TAF4B: variants seen among roughly 807,000 people sequenced by gnomAD.
TAF4B encodes the protein transcription initiation factor TFIID subunit 4B.
Under a neutral mutation model 86.4 loss-of-function variants are expected in TAF4B, and 38 were observed. The observed-to-expected ratio is 0.44, with a 90% CI of 0.34 to 0.58. The LOEUF is 0.58. Among genes scored for constraint, TAF4B ranks in the 20% least tolerant of loss-of-function variants. The pLI, the probability that TAF4B is intolerant of heterozygous loss-of-function variation, is 0.02. For synonymous variants in TAF4B, 388 were observed against 391.2 expected (o/e 0.99, Z 0.10); for missense variants, 988 against 1,027.6 (o/e 0.96, Z 0.53).
intron 14 of TAF4B, among the ~76,000 whole-genome samples, chr18:26,386,390 C>T (rs1978368146): frequency 6.6e-6 from 1 of 151,818 alleles, no homozygotes; most frequent in African/African-American, 2.4e-5. Context: ...TAATTTCCTC[C>T]TGAGGCAAGG....
In TAF4B at chr18:26,376,934, A is replaced by G. The variant is rs73395971; in HGVS notation, c.2422-12911A>G. Among the ~76,000 whole-genome samples the G allele has an allele frequency of 6.1e-3, 927 of 152,104 alleles. 8 individuals carry two copies. Among genetic ancestry groups the G allele is most frequent in the African/African-American group, 0.021 (876 of 41,532 alleles). ...TGCTTTTTCTGCCTCTTTTGAGATGATCGTGCTTTTTTTTCCCCTTTATCT... is the reference window on the plus strand; with the variant it reads ...TGCTTTTTCTGCCTCTTTTGAGATGGTCGTGCTTTTTTTTCCCCTTTATCT... On this transcript the variant is annotated intron_variant, in intron 14 of 14. Transcript: ENST00000269142.
chr18:26,330,172 A>G lies in TAF4B; in HGVS notation c.2259+3032A>G, dbSNP rs553363805. Among the ~76,000 whole-genome samples the G allele has an allele frequency of 5.0e-4, 76 of 152,264 alleles. 1 individual carries two copies. Among genetic ancestry groups the G allele is most frequent in the East Asian group, 2.7e-3 (14 of 5,190 alleles). Reference sequence around the variant, plus strand: ...CCTCTGTCATGGTTGCAAAATGTCAATTTATTCCCATGAACTCTCCTCGTT... The same window carrying G: ...CCTCTGTCATGGTTGCAAAATGTCAGTTTATTCCCATGAACTCTCCTCGTT... On this transcript the variant is annotated intron_variant, in intron 12 of 14. Coordinates refer to ENST00000269142, the MANE Select transcript of TAF4B (RefSeq NM_005640.3).
At chr18:26,261,297 T>C (rs2056163384) in intron 1 of TAF4B, among the ~76,000 whole-genome samples, 1 of 145,440 alleles carries the variant, frequency 6.9e-6, no homozygotes, top group African/African-American at 2.5e-5. Flanking sequence ...GCCTCCCGGG[T>C]TCACGCCATT....
At chr18:26,346,629 T>G (rs2057181409) in intron 13 of TAF4B, among the ~76,000 whole-genome samples, 1 of 149,576 alleles carries the variant, frequency 6.7e-6, no homozygotes, top group South Asian at 2.1e-4. Flanking sequence ...AAAGGTATTC[T>G]TATCAGATTA....
At chr18:26,343,062 A>G (rs559570896) in intron 13 of TAF4B, among the ~76,000 whole-genome samples, 1 of 152,386 alleles carries the variant, frequency 6.6e-6, no homozygotes, top group African/African-American at 2.4e-5. Context: ...ATTTGAGGAC[A>G]TTGAAAGGTA....
At position 26,327,065 on chromosome 18, in the gene TAF4B, T is replaced by C. The variant is rs1420110814; in HGVS notation, c.2184T>C (p.Phe728=). ...LCSDTRSQLK[F]LEKLDQLEKQ... is the part of the protein sequence containing the mutation. ...GTGATACCAGGTCACAGCTCAAATT[T>C]CTTGAAAAGCTGGATCAATTGGAGA... Residue 728 remains phenylalanine (F), a synonymous_variant, in exon 12 of 15, where the codon TTT becomes TTC. Coordinates refer to ENST00000269142, the MANE Select transcript of TAF4B (RefSeq NM_005640.3). The C allele has an allele frequency of 1.2e-6, 2 of 1,613,714 alleles. No homozygotes were observed. The highest frequency in any genetic ancestry group is 1.7e-6 in the Non-Finnish European group (2 of 1,179,872).
At chr18:26,318,572 C>CT (rs1568150228) in intron 10 of TAF4B, among the ~76,000 whole-genome samples, 1 of 152,034 alleles carries the variant, frequency 6.6e-6, no homozygotes, top group African/African-American at 2.4e-5. Context: ...GTGTTCTTTT[C>CT]TTTTTTTCCT....
intron 1 of TAF4B, among the ~76,000 whole-genome samples, chr18:26,236,640 G>T (rs1400010854): frequency 6.6e-6 from 1 of 152,204 alleles, no homozygotes. Flanking sequence ...CTAATAACAA[G>T]CCCTACCGGG....
chr18:26,346,811 ATATATGTGTGTGTATATATATATATGTG>A (rs2057192100), intron 13 of TAF4B, among the ~76,000 whole-genome samples: 1 of 29,988 alleles, frequency 3.3e-5, no homozygotes, highest in African/African-American at 7.0e-5. Context: ...GTATATATAT[ATATATGTGTGTGTATATATATATATGTG>A]TGTGTGTATA....
intron 1 of TAF4B, among the ~76,000 whole-genome samples, chr18:26,233,641 A>C (rs932630205): frequency 6.6e-6 from 1 of 152,194 alleles, no homozygotes; most frequent in Non-Finnish European, 1.5e-5. Context: ...AGACGGTTTC[A>C]TGGTTACAGG....
chr18:26,333,410 G>A (rs574339714), intron 12 of TAF4B, among the ~76,000 whole-genome samples: 1 of 151,854 alleles, frequency 6.6e-6, no homozygotes, highest in Non-Finnish European at 1.5e-5. Context: ...TTTGAAACAG[G>A]GTCTCATTCA....
Position 26,286,510 on chromosome 18 carries a change from T to C in TAF4B, c.1590+11T>C. ...CAAGTCAAGCAACTAGTGAGTAACA[T>C]TTTGTTTCTTCCCCAGTTACTTATT... On this transcript the variant is annotated intron_variant, in intron 7 of 14. Coordinates refer to ENST00000269142, the MANE Select transcript of TAF4B (RefSeq NM_005640.3). 1.9e-6 allele frequency: 3 copies of C among 1,575,914 alleles called. No homozygotes were observed.
At chr18:26,229,976 T>C (rs139019614) in intron 1 of TAF4B, among the ~76,000 whole-genome samples, 1,609 of 151,744 alleles carry the variant, frequency 0.011, 20 homozygotes, top group African/African-American at 0.036. Context: ...TATATATATA[T>C]ATACACACAC....
At chr18:26,336,982 A>G (rs1568160124) in intron 13 of TAF4B, among the ~76,000 whole-genome samples, 1 of 152,218 alleles carries the variant, frequency 6.6e-6, no homozygotes, top group Non-Finnish European at 1.5e-5. Flanking sequence ...GAATAGGTAG[A>G]CAACATTTTT....
intron 13 of TAF4B, among the ~76,000 whole-genome samples, chr18:26,343,344 C>A (rs369205377): frequency 2.9e-4 from 44 of 152,178 alleles, no homozygotes; most frequent in Admixed American, 2.7e-3. Context: ...TAGACCTACT[C>A]CTGAACTATA....
chr18:26,343,715 G>T (rs2057154156), intron 13 of TAF4B, among the ~76,000 whole-genome samples: 1 of 152,116 alleles, frequency 6.6e-6, no homozygotes, highest in Non-Finnish European at 1.5e-5. Flanking sequence ...CTATGTGCAG[G>T]ATGCAAAACC....
In TAF4B at chr18:26,227,949, C is replaced by T. The variant is rs902293082; in HGVS notation, c.343+673C>T. Among the ~76,000 whole-genome samples, 9 of 152,224 alleles carry T rather than the reference C, an allele frequency of 5.9e-5. No individual in the cohort carries two copies. The East Asian group carries it at 1.2e-3, about 20-fold the overall frequency. ...CACAATCTTTAAATGTCTTATGATT[C>T]TAACTTTCAATTAGCAGAACCCCTG... On this transcript the variant is annotated intron_variant, in intron 1 of 14. Transcript: ENST00000269142.
chr18:26,288,098 A>C (rs1482283439), intron 7 of TAF4B, among the ~76,000 whole-genome samples: 1 of 152,192 alleles, frequency 6.6e-6, no homozygotes, highest in Non-Finnish European at 1.5e-5. Flanking sequence ...GCCCCAAGGA[A>C]AGGCCTCTTT....
intron 14 of TAF4B, among the ~76,000 whole-genome samples, chr18:26,379,964 G>T (rs1298788056): frequency 6.6e-6 from 1 of 151,890 alleles, no homozygotes; most frequent in Non-Finnish European, 1.5e-5. Flanking sequence ...ATTGTTTGTT[G>T]CTAACATATC....
Sources: gnomAD v4.1 joint callset for allele counts (sites outside exome capture counted in the v4.1 genomes callset) on GRCh38, gnomAD v4.1.1 for gene constraint, MANE v1.5 for transcripts, NCBI Gene and HGNC (gene_info 2026-07-23, HGNC 2026-07-21) for gene names.